ATXN7: variants seen among roughly 807,000 people sequenced by gnomAD.
ATXN7 encodes ataxin-7.
Under a neutral mutation model 70.5 loss-of-function variants are expected in ATXN7, and 12 were observed. The ratio of observed to expected loss-of-function variants is 0.17; its 90% CI spans 0.11 to 0.28. The LOEUF (loss-of-function observed/expected upper bound fraction) is 0.28, where lower values mean the gene tolerates loss of function less well. Ranked by LOEUF, ATXN7 falls within the 10% of genes least tolerant of loss-of-function variation. The pLI, the probability that ATXN7 is intolerant of heterozygous loss-of-function variation, is 1.00. For synonymous variants in ATXN7, 498 were observed against 448.7 expected (o/e 1.11, Z -1.39); for missense variants, 1,256 against 1,131.7 (o/e 1.11, Z -1.58).
At chr3:63,991,928 G>A (rs1293128464) in intron 11 of ATXN7, among the ~76,000 whole-genome samples, 1 of 152,152 alleles carries the variant, frequency 6.6e-6, no homozygotes, top group Non-Finnish European at 1.5e-5. Context: ...TGTATAATGT[G>A]GAACATGTCC....
chr3:63,961,113 G>T (rs1016125675), intron 5 of ATXN7, among the ~76,000 whole-genome samples: 1 of 151,932 alleles, frequency 6.6e-6, no homozygotes, highest in Admixed American at 6.6e-5. Context: ...ACTTTTCAGG[G>T]GTACAGTTTG....
Position 63,988,333 on chromosome 3 carries a change from G to A in ATXN7, c.1361+9G>A, listed in dbSNP as rs2106780673. 6.2e-7 allele frequency: 1 copy of A among 1,613,948 alleles called. No homozygotes were observed. Among genetic ancestry groups the A allele is most frequent in the Non-Finnish European group, 8.5e-7 (1 of 1,179,974 alleles). On this transcript the variant is annotated intron_variant, in intron 9 of 12. Transcript: ENST00000674280. ...ACCCCCAGTCTTCCAAGGTAAGCCA[G>A]GCCCTCCAACTCTTTCTCCCACCTT...
At chr3:63,961,243 A>G (rs2075125708) in intron 5 of ATXN7, among the ~76,000 whole-genome samples, 1 of 152,218 alleles carries the variant, frequency 6.6e-6, no homozygotes, top group Non-Finnish European at 1.5e-5. Flanking sequence ...TTAATAATCT[A>G]TCTAAAATAT....
intron 5 of ATXN7, among the ~76,000 whole-genome samples, chr3:63,962,908 C>CTTTT (rs71631179): frequency 8.1e-5 from 11 of 136,334 alleles, no homozygotes; most frequent in Admixed American, 1.5e-4. Context: ...TTTTGTATTT[C>CTTTT]TTTTTTTTTT....
intron 5 of ATXN7, among the ~76,000 whole-genome samples, 187 bp downstream of exon 5, chr3:63,952,670 A>G (rs1380450948): frequency 2.6e-5 from 4 of 152,076 alleles, no homozygotes; most frequent in Non-Finnish European, 4.4e-5. Context: ...ATTAAAAGTG[A>G]TAGGAATTTT....
At chr3:63,905,194 A>C (rs987901609) in intron 2 of ATXN7, 10 of 151,906 alleles carry the variant, frequency 6.6e-5, no homozygotes, top group Admixed American at 4.6e-4. Context: ...CTCTGTTTTC[A>C]TTCTTTTTTA....
At chr3:63,884,154 T>C (rs1202621805) in intron 1 of ATXN7, among the ~76,000 whole-genome samples, 2 of 151,496 alleles carry the variant, frequency 1.3e-5, no homozygotes, top group Non-Finnish European at 2.9e-5. Flanking sequence ...GAATAAACAA[T>C]ATGAGCCTGT....
At chr3:63,984,525 C>A (rs936416411) in intron 8 of ATXN7, among the ~76,000 whole-genome samples, 7 of 152,208 alleles carry the variant, frequency 4.6e-5, no homozygotes, top group Non-Finnish European at 1.0e-4. Flanking sequence ...ACTTGCCATT[C>A]TCCTTCTGCG....
intron 9 of ATXN7, among the ~76,000 whole-genome samples, chr3:63,988,798 G>A (rs1382640633): frequency 6.6e-6 from 1 of 152,164 alleles, no homozygotes; most frequent in Non-Finnish European, 1.5e-5. Context: ...GCATGTATTA[G>A]CACTTTAGTA....
chr3:63,999,681 G>C lies in ATXN7; in HGVS notation c.*214G>C. 2.5e-6 allele frequency: 2 copies of C among 814,072 alleles called. No homozygotes were observed. Among genetic ancestry groups the C allele is most frequent in the Non-Finnish European group, 4.0e-6 (2 of 495,986 alleles). The allele number at this position is 814,072 out of a possible 1,614,324, so 50.4% of individuals were successfully genotyped here. ...GTACTCATAAAGGACACTGGATCAA[G>C]TTCAGCCACCGAATTGCTTTTATCA... On this transcript the variant is annotated 3_prime_UTR_variant, in exon 13 of 13. Transcript: ENST00000674280.
chr3:63,979,415 A>G (rs537158688), intron 5 of ATXN7, among the ~76,000 whole-genome samples: 56 of 152,214 alleles, frequency 3.7e-4, no homozygotes, highest in Middle Eastern at 3.2e-3. Context: ...ATTTGGTGTC[A>G]TCTGCTGGTG....
At chr3:63,927,093 T>C (rs1332639135) in intron 4 of ATXN7, among the ~76,000 whole-genome samples, 1 of 152,230 alleles carries the variant, frequency 6.6e-6, no homozygotes, top group African/African-American at 2.4e-5. Flanking sequence ...GTTCCAAGTG[T>C]TGCTATTGTA....
Position 63,996,045 on chromosome 3 carries a change from C to A in ATXN7, c.2223C>A (p.His741Gln). Reference sequence around the variant, plus strand: ...CTTTTAGGAAAAACTGTGTGGCTCACTCTGGGCCTCCCTACCCCTCAACGG... The same window carrying A: ...CTTTTAGGAAAAACTGTGTGGCTCAATCTGGGCCTCCCTACCCCTCAACGG... ...MESFRKNCVAHSGPPYPSTVT... is the reference protein window; with the variant it reads ...MESFRKNCVAQSGPPYPSTVT... Residue 741 changes from histidine to glutamine, a missense_variant, in exon 12 of 13, where the codon CAC (histidine) becomes CAA (glutamine). Coordinates refer to ENST00000674280, the MANE Select transcript of ATXN7 (RefSeq NM_001377405.1). 6.2e-7 allele frequency: 1 copy of A among 1,614,204 alleles called. No individual in the cohort carries two copies. The highest frequency in any genetic ancestry group is 8.5e-7 in the Non-Finnish European group (1 of 1,180,036).
In ATXN7 at chr3:63,995,731, C is replaced by T. The variant is rs975729531; in HGVS notation, c.1909C>T (p.Pro637Ser). ...GCCTGCTGCTTCAGGGGCGATGGATCCTGTGTGCAGTATGCAATCCAGACA... is the reference window on the plus strand; with the variant it reads ...GCCTGCTGCTTCAGGGGCGATGGATTCTGTGTGCAGTATGCAATCCAGACA... ...AQPAASGAMD[P>S]VCSMQSRQVS... Residue 637 changes from proline to serine, a missense_variant, in exon 12 of 13, where the codon CCT becomes TCT. Coordinates refer to ENST00000674280, the MANE Select transcript of ATXN7 (RefSeq NM_001377405.1). 3 of 1,614,118 alleles carry T rather than the reference C, an allele frequency of 1.9e-6. No homozygotes were observed. Among genetic ancestry groups the T allele is most frequent in the African/African-American group, 1.3e-5 (1 of 74,944 alleles).
intron 2 of ATXN7, chr3:63,903,657 T>G (rs1703734046): frequency 2.0e-5 from 3 of 152,188 alleles, no homozygotes; most frequent in Admixed American, 1.3e-4. Flanking sequence ...ATTTATTGAC[T>G]CTTCATAAGC....
intron 1 of ATXN7, among the ~76,000 whole-genome samples, chr3:63,883,842 A>G (rs934504456): frequency 2.6e-5 from 4 of 152,120 alleles, no homozygotes; most frequent in African/African-American, 9.7e-5. Context: ...TGTTTCCCCC[A>G]ACAACAGAAA....
intron 2 of ATXN7, among the ~76,000 whole-genome samples, chr3:63,903,484 C>G (rs771398769): frequency 1.3e-5 from 2 of 150,380 alleles, no homozygotes; most frequent in African/African-American, 2.4e-5. Flanking sequence ...GCACTTCTTT[C>G]GTTTGGACCA....
At chr3:63,931,196 C>A (rs1444056629) in intron 4 of ATXN7, among the ~76,000 whole-genome samples, 5 of 152,114 alleles carry the variant, frequency 3.3e-5, no homozygotes, top group Non-Finnish European at 5.9e-5. Context: ...GCCTCGGTGT[C>A]CCAAAGTGCT....
chr3:63,961,098 A>G (rs547741566), intron 5 of ATXN7, among the ~76,000 whole-genome samples: 1 of 152,332 alleles, frequency 6.6e-6, no homozygotes, highest in African/African-American at 2.4e-5. Context: ...AAGCTCCTTC[A>G]TCTTACTTTT....
Sources: gnomAD v4.1 joint callset for allele counts (sites outside exome capture counted in the v4.1 genomes callset) on GRCh38, gnomAD v4.1.1 for gene constraint, MANE v1.5 for transcripts, NCBI Gene and HGNC (gene_info 2026-07-23, HGNC 2026-07-21) for gene names.